Variants in CDH18 observed in about 807,000 individuals in gnomAD.
The protein encoded by CDH18 is cadherin-18.
CDH18 carries 31 observed loss-of-function variants against 67.9 expected under a neutral mutation model. That is an observed-to-expected ratio of 0.46 (90% confidence interval 0.34 to 0.62). The LOEUF (loss-of-function observed/expected upper bound fraction) is 0.62. Among genes scored for constraint, CDH18 ranks in the 20% least tolerant of loss-of-function variants. CDH18 has a pLI of 0.01. For missense variants in CDH18, 890 were observed against 975.5 expected (o/e 0.91, Z 1.17); for synonymous variants, 362 against 347.2 (o/e 1.04, Z -0.48).
chr5:19,967,582 TA>T (rs1471904512), intron 2 of CDH18, among the ~76,000 whole-genome samples: 1 of 152,168 alleles, frequency 6.6e-6, no homozygotes, highest in African/African-American at 2.4e-5. Flanking sequence ...CATACTTATA[TA>T]AAATCATGTT....
intron 1 of CDH18, among the ~76,000 whole-genome samples, chr5:20,419,535 G>A (rs1286484969): frequency 7.6e-6 from 1 of 132,020 alleles, no homozygotes; most frequent in Middle Eastern, 4.5e-3. Context: ...GAGTGCAGTG[G>A]CAAGATCTCG....
intron 2 of CDH18, among the ~76,000 whole-genome samples, chr5:20,096,558 A>G (rs1280936380): frequency 6.6e-6 from 1 of 152,140 alleles, no homozygotes; most frequent in Non-Finnish European, 1.5e-5. Flanking sequence ...GCTTTAAAAG[A>G]TATGAGGAAT....
At chr5:20,386,639 T>A (rs921353293) in intron 1 of CDH18, among the ~76,000 whole-genome samples, 1 of 152,160 alleles carries the variant, frequency 6.6e-6, no homozygotes, top group Non-Finnish European at 1.5e-5. Flanking sequence ...TCAACTTGTA[T>A]TCCCCCTTTG....
At chr5:19,566,993 C>A (rs1740523620) in intron 8 of CDH18, among the ~76,000 whole-genome samples, 1 of 152,074 alleles carries the variant, frequency 6.6e-6, no homozygotes, top group African/African-American at 2.4e-5. Context: ...AGACAAACTT[C>A]ACATGTTGTT....
At chr5:19,842,164 C>A (rs1782392271) in intron 2 of CDH18, among the ~76,000 whole-genome samples, 1 of 152,088 alleles carries the variant, frequency 6.6e-6, no homozygotes, top group Admixed American at 6.5e-5. Flanking sequence ...GTTCAAAGAC[C>A]CTTCTGCTTT....
chr5:20,163,301 A>G (rs1233537651), intron 2 of CDH18, among the ~76,000 whole-genome samples: 1 of 152,102 alleles, frequency 6.6e-6, no homozygotes, highest in African/African-American at 2.4e-5. Context: ...AGTATTATCC[A>G]ATATTATGCT....
At chr5:20,498,786 T>C (rs1754064344) in intron 1 of CDH18, among the ~76,000 whole-genome samples, 1 of 152,096 alleles carries the variant, frequency 6.6e-6, no homozygotes, top group African/African-American at 2.4e-5. Context: ...CTTATTTAAA[T>C]ATTTAATTTT....
At position 20,035,457 on chromosome 5, in the gene CDH18, C is replaced by G. The variant is rs138992260; in HGVS notation, c.-517-43443G>C. Among the ~76,000 whole-genome samples, 10 of 152,126 alleles carry G rather than the reference C, an allele frequency of 6.6e-5. No individual in the cohort carries two copies. The East Asian group carries it at 1.9e-3, about 29-fold the overall frequency. On this transcript the variant is annotated intron_variant, in intron 2 of 14. Transcript: ENST00000507958. Reference sequence around the variant, plus strand: ...AGAAAAGAGATTTAATTAACTCATACTTCTGCATGGCTGGGGAGGCCTCAA... The same window carrying G: ...AGAAAAGAGATTTAATTAACTCATAGTTCTGCATGGCTGGGGAGGCCTCAA...
At chr5:19,622,147 C>T (rs1580544164) in intron 5 of CDH18, among the ~76,000 whole-genome samples, 2 of 152,138 alleles carry the variant, frequency 1.3e-5, no homozygotes, top group South Asian at 2.1e-4. Flanking sequence ...ATTTCAGAAG[C>T]AGCCTCTCCT....
chr5:20,355,328 T>G (rs1477560088), intron 1 of CDH18, among the ~76,000 whole-genome samples: 1 of 152,216 alleles, frequency 6.6e-6, no homozygotes, highest in Admixed American at 6.5e-5. Flanking sequence ...GATCATTTTG[T>G]TTTGTCTCTG....
intron 1 of CDH18, among the ~76,000 whole-genome samples, chr5:20,343,515 C>T (rs1740441602): frequency 6.6e-6 from 1 of 152,026 alleles, no homozygotes; most frequent in Non-Finnish European, 1.5e-5. Flanking sequence ...GGGAGGACCT[C>T]AAAGAAACCC....
At chr5:20,428,734 G>A (rs1748515739) in intron 1 of CDH18, among the ~76,000 whole-genome samples, 1 of 152,018 alleles carries the variant, frequency 6.6e-6, no homozygotes, top group South Asian at 2.1e-4. Flanking sequence ...GACCCAATGT[G>A]TTTTACAATA....
chr5:19,751,524 T>C (rs529105381), intron 3 of CDH18, among the ~76,000 whole-genome samples: 1 of 152,292 alleles, frequency 6.6e-6, no homozygotes, highest in South Asian at 2.1e-4. Flanking sequence ...GTGAAAGAAA[T>C]GTGAAAACAT....
At chr5:20,084,484 G>T (rs1418983395) in intron 2 of CDH18, among the ~76,000 whole-genome samples, 2 of 152,122 alleles carry the variant, frequency 1.3e-5, no homozygotes, top group Non-Finnish European at 2.9e-5. Context: ...CCATTCTGGG[G>T]TCTGGAGGAG....
At chr5:20,488,170 A>G (rs1753327201) in intron 1 of CDH18, among the ~76,000 whole-genome samples, 1 of 152,180 alleles carries the variant, frequency 6.6e-6, no homozygotes, top group Admixed American at 6.6e-5. Flanking sequence ...GTTATAAAAT[A>G]TATAATTGGA....
At chr5:20,318,388 C>T (rs1194614181) in intron 1 of CDH18, among the ~76,000 whole-genome samples, 2 of 152,048 alleles carry the variant, frequency 1.3e-5, no homozygotes, top group Non-Finnish European at 2.9e-5. Flanking sequence ...CTAAAGTGCC[C>T]GGTGTAGTTT....
chr5:20,094,326 C>T (rs550095505), intron 2 of CDH18, among the ~76,000 whole-genome samples: 4 of 152,076 alleles, frequency 2.6e-5, no homozygotes, highest in Non-Finnish European at 4.4e-5. Flanking sequence ...TTCTATATAT[C>T]TGTTTTGGTA....
At chr5:20,294,637 T>C (rs1747350247) in intron 1 of CDH18, among the ~76,000 whole-genome samples, 1 of 152,232 alleles carries the variant, frequency 6.6e-6, no homozygotes, top group South Asian at 2.1e-4. Context: ...TGTCTTGACT[T>C]AATCTTTTTG....
At chr5:19,836,694 T>C (rs1371123933) in intron 3 of CDH18, among the ~76,000 whole-genome samples, 2 of 152,190 alleles carry the variant, frequency 1.3e-5, no homozygotes, top group Non-Finnish European at 2.9e-5. Flanking sequence ...TTGTCAATTT[T>C]GGCTTTTATT....
Sources: allele counts gnomAD v4.1 joint callset (sites outside exome capture counted in the v4.1 genomes callset), GRCh38; gene constraint gnomAD v4.1.1; transcripts MANE v1.5; gene names NCBI Gene and HGNC (gene_info 2026-07-23, HGNC 2026-07-21).